Variants in INPP4B observed in about 807,000 individuals in gnomAD.
INPP4B encodes inositol polyphosphate 4-phosphatase type II.
INPP4B carries 55 observed loss-of-function variants against 122.5 expected under a neutral mutation model. The observed-to-expected ratio is 0.45, with a 90% CI of 0.36 to 0.56. The LOEUF (loss-of-function observed/expected upper bound fraction) is 0.56. INPP4B is among the 20% of genes least tolerant of loss of function. The pLI is 0.00. For synonymous variants in INPP4B, 403 were observed against 388.7 expected, an observed-to-expected ratio of 1.04 and a Z score of -0.43; for missense variants, 1,000 against 1,097.7, an observed-to-expected ratio of 0.91 and a Z score of 1.26.
chr4:142,459,676 C>A (rs1243051118), intron 3 of INPP4B, among the ~76,000 whole-genome samples: 1 of 152,024 alleles, frequency 6.6e-6, no homozygotes, highest in Non-Finnish European at 1.5e-5. Flanking sequence ...CACAGAGAAG[C>A]GTAATTTCTC....
intron 15 of INPP4B, among the ~76,000 whole-genome samples, chr4:142,180,845 C>A (rs1354197798): frequency 6.6e-6 from 1 of 152,170 alleles, no homozygotes; most frequent in Non-Finnish European, 1.5e-5. Flanking sequence ...TAAAGACGTT[C>A]TCACCTAATT....
intron 10 of INPP4B, among the ~76,000 whole-genome samples, chr4:142,266,573 C>T (rs1742938536): frequency 6.6e-6 from 1 of 152,090 alleles, no homozygotes; most frequent in Non-Finnish European, 1.5e-5. Flanking sequence ...AGATAAGAGA[C>T]ACTAAACCAG....
intron 12 of INPP4B, among the ~76,000 whole-genome samples, chr4:142,220,873 T>G (rs191685910): frequency 6.6e-6 from 1 of 152,298 alleles, no homozygotes; most frequent in East Asian, 1.9e-4. Flanking sequence ...TGTTTCCCTG[T>G]GTACCCTCAT....
At chr4:142,251,885 T>C (rs1468807932) in intron 11 of INPP4B, among the ~76,000 whole-genome samples, 1 of 152,224 alleles carries the variant, frequency 6.6e-6, no homozygotes, top group African/African-American at 2.4e-5. Context: ...TATCATGCTA[T>C]GTCACTGCTT....
intron 15 of INPP4B, among the ~76,000 whole-genome samples, chr4:142,175,384 T>C (rs1038623419): frequency 6.6e-6 from 1 of 152,010 alleles, no homozygotes; most frequent in Non-Finnish European, 1.5e-5. Context: ...AAACATATAA[T>C]GAATATTCCT....
intron 14 of INPP4B, among the ~76,000 whole-genome samples, chr4:142,195,470 C>CA (rs1561449322): frequency 6.6e-6 from 1 of 152,018 alleles, no homozygotes; most frequent in African/African-American, 2.4e-5. Context: ...AAAAAGGCCA[C>CA]AAAAAAACCT....
rs555514453 is a variant in INPP4B, at chr4:142,189,417, T to A, written c.1181+3670A>T. Among the ~76,000 whole-genome samples, 8 of 152,258 alleles carry A rather than the reference T, an allele frequency of 5.3e-5. No homozygotes were observed. In the South Asian group the frequency reaches 1.7e-3, roughly 32 times the overall value. On this transcript the variant is annotated intron_variant, in intron 15 of 25. Coordinates refer to ENST00000262992, the MANE Select transcript of INPP4B (RefSeq NM_001101669.3). ...ATACTTATATATACAAGGTGCTCCA[T>A]CTCTTATTCAAGAAAAGCACAATGT... is the stretch of plus-strand genomic sequence containing the variant.
intron 1 of INPP4B, among the ~76,000 whole-genome samples, chr4:142,806,774 A>AGAAGGAAAGAAG (rs1778826124): frequency 1.1e-5 from 1 of 89,170 alleles, no homozygotes; most frequent in African/African-American, 4.2e-5. Context: ...GAAGAAAGAA[A>AGAAGGAAAGAAG]GAAAGAAAGA....
chr4:142,522,669 C>A (rs750676552), intron 2 of INPP4B, among the ~76,000 whole-genome samples: 5 of 151,944 alleles, frequency 3.3e-5, no homozygotes, highest in Non-Finnish European at 7.4e-5. Context: ...GAAGGGCTGC[C>A]TGAAAGAAGT....
chr4:142,581,652 T>G (rs927657776), intron 2 of INPP4B, among the ~76,000 whole-genome samples: 1 of 151,282 alleles, frequency 6.6e-6, no homozygotes, highest in South Asian at 2.1e-4. Context: ...TCCATTTCTA[T>G]TAGAAATAGA....
intron 2 of INPP4B, among the ~76,000 whole-genome samples, chr4:142,476,492 T>G (rs1319828066): frequency 3.3e-5 from 5 of 152,152 alleles, no homozygotes; most frequent in Non-Finnish European, 7.4e-5. Flanking sequence ...GTAAATGGAC[T>G]GAATGTTCCA....
At chr4:142,058,944 G>A (rs1368184204) in intron 25 of INPP4B, among the ~76,000 whole-genome samples, 2 of 152,032 alleles carry the variant, frequency 1.3e-5, no homozygotes, top group South Asian at 4.2e-4. Flanking sequence ...ATATAGTCTT[G>A]CCTGCTGCCA....
chr4:142,817,119 A>T (rs540739546), intron 1 of INPP4B, among the ~76,000 whole-genome samples: 10 of 152,198 alleles, frequency 6.6e-5, no homozygotes, highest in Admixed American at 2.6e-4. Flanking sequence ...CTAGATAAAA[A>T]ATTATAAAGG....
chr4:142,658,876 G>A (rs1428953113), intron 2 of INPP4B, among the ~76,000 whole-genome samples: 1 of 152,114 alleles, frequency 6.6e-6, no homozygotes, highest in African/African-American at 2.4e-5. Flanking sequence ...GACCTTAAGA[G>A]GACAGAAGCA....
At chr4:142,658,834 G>A (rs917818892) in intron 2 of INPP4B, among the ~76,000 whole-genome samples, 14 of 152,034 alleles carry the variant, frequency 9.2e-5, no homozygotes, top group Admixed American at 4.6e-4. Flanking sequence ...AGAATGTCAC[G>A]TTCTAACAGT....
At chr4:142,175,989 T>C (rs753056945) in intron 15 of INPP4B, among the ~76,000 whole-genome samples, 6 of 152,014 alleles carry the variant, frequency 3.9e-5, no homozygotes, top group Non-Finnish European at 7.4e-5. Context: ...CTATTCTGTG[T>C]CCATCAGAGA....
chr4:142,489,435 C>A (rs956124147), intron 2 of INPP4B, among the ~76,000 whole-genome samples: 1 of 152,088 alleles, frequency 6.6e-6, no homozygotes, highest in Non-Finnish European at 1.5e-5. Context: ...CCTCTGTCAC[C>A]CAGGCTGGAG....
intron 15 of INPP4B, among the ~76,000 whole-genome samples, chr4:142,186,704 ATT>A (rs909965474): frequency 5.9e-5 from 9 of 152,320 alleles, no homozygotes; most frequent in African/African-American, 2.2e-4. Flanking sequence ...CCATAAACAA[ATT>A]TTGTTTTTGT....
chr4:142,207,442 T>C (rs1431489245), intron 14 of INPP4B, among the ~76,000 whole-genome samples: 1 of 152,194 alleles, frequency 6.6e-6, no homozygotes, highest in Non-Finnish European at 1.5e-5. Context: ...TTAACCTTTC[T>C]AAACCTGTAA....
Sources: allele counts gnomAD v4.1 joint callset (sites outside exome capture counted in the v4.1 genomes callset), GRCh38; gene constraint gnomAD v4.1.1; transcripts MANE v1.5; gene names NCBI Gene and HGNC (gene_info 2026-07-23, HGNC 2026-07-21).